Variants in IGSF3 observed in about 807,000 individuals in gnomAD.
IGSF3 encodes the protein glu-Trp-Ile EWI motif-containing protein 3.
IGSF3 carries 23 observed loss-of-function variants against 114.4 expected under a neutral mutation model. The ratio of observed to expected loss-of-function variants is 0.20; its 90% CI spans 0.14 to 0.28. The LOEUF is 0.28. IGSF3 is among the 10% of genes least tolerant of loss of function. The probability of loss-of-function intolerance (pLI) is 1.00; values close to 1 mark genes in which losing one functional copy is unlikely to be tolerated. For missense variants in IGSF3, 1,172 were observed against 1,591.5 expected, an observed-to-expected ratio of 0.74 and a Z score of 4.48; for synonymous variants, 571 against 645.2, an observed-to-expected ratio of 0.88 and a Z score of 1.74.
chr1:116,577,148 G>A lies in IGSF3; in HGVS notation c.*164C>T. On this transcript the variant is annotated 3_prime_UTR_variant, in exon 11 of 11. Transcript: ENST00000369486. This position sits in a 1 kb window ranked among gnomAD's most constrained non-coding sequence, Gnocchi z 5.7. Reference sequence around the variant, plus strand: ...TAACCAACCAAGACTGCCACCGAGAGGCAGTCTGTCTCTGTGACTGACTGG... The same window carrying A: ...TAACCAACCAAGACTGCCACCGAGAAGCAGTCTGTCTCTGTGACTGACTGG... The A allele has an allele frequency of 1.5e-6, 1 of 686,370 alleles. No homozygotes were observed. Among genetic ancestry groups the A allele is most frequent in the Non-Finnish European group, 2.4e-6 (1 of 415,320 alleles). The allele number at this position is 686,370 out of a possible 1,614,324, so 42.5% of individuals were successfully genotyped here.
In IGSF3 at chr1:116,600,034, C is replaced by T. The variant is rs1313400531; in HGVS notation, c.1936G>A (p.Val646Met). ...SDTEAGKYQCVAELWRKNYNN... is the reference protein window; with the variant it reads ...SDTEAGKYQCMAELWRKNYNN... ...TAGTTCTTCCGCCACAGCTCTGCCA[C>T]ACACTGGTACTTGCCTGCTTCCGTG... is the stretch of plus-strand genomic sequence containing the variant. Residue 646 changes from valine to methionine, a missense_variant, in exon 7 of 11, where the codon GTG (valine) becomes ATG (methionine). Around this residue, in one of 3 missense-constraint regions of IGSF3, gnomAD observed 736 missense variants for 1,042.0 expected, o/e 0.71. Coordinates refer to ENST00000369486, the MANE Select transcript of IGSF3 (RefSeq NM_001007237.3). This position sits in a 1 kb window ranked among gnomAD's most constrained non-coding sequence, Gnocchi z 5.5. 3.1e-6 allele frequency: 5 copies of T among 1,614,086 alleles called. No individual in the cohort carries two copies. The highest frequency in any genetic ancestry group is 8.5e-7 in the Non-Finnish European group (1 of 1,180,044).
In IGSF3 at chr1:116,593,119, T is replaced by C. The variant is rs899282570; in HGVS notation, c.2030-4015A>G. On this transcript the variant is annotated intron_variant, in intron 7 of 10. Transcript: ENST00000369486. This position sits in a 1 kb window ranked among gnomAD's most constrained non-coding sequence, Gnocchi z 4.5. ...GGGGCCTGCAGCTTGTACTTGATCC[T>C]GACCACCTGTGGCCCTCAGGGTGCA... Among the ~76,000 whole-genome samples the C allele has an allele frequency of 6.6e-6, 1 of 152,226 alleles. No homozygotes were observed. Among genetic ancestry groups the C allele is most frequent in the Non-Finnish European group, 1.5e-5 (1 of 68,038 alleles).
rs1647957558 is a variant in IGSF3, at chr1:116,638,962, G to A, written c.44-22505C>T. Among the ~76,000 whole-genome samples, 3 of 152,186 alleles carry A rather than the reference G, an allele frequency of 2.0e-5. No individual in the cohort carries two copies. On this transcript the variant is annotated intron_variant, in intron 2 of 10. Coordinates refer to ENST00000369486, the MANE Select transcript of IGSF3 (RefSeq NM_001007237.3). The surrounding 1 kb of genome is among the most constrained non-coding windows in gnomAD (Gnocchi z 4.1). ...AGCTGCGCCACTGCCCAGGAAAAAA[G>A]TCACAGGTAGGAAGACAAGCATAGA... is the stretch of plus-strand genomic sequence containing the variant.
At position 116,618,107 on chromosome 1, in the gene IGSF3, A is replaced by C. The variant is rs1312990822; in HGVS notation, c.44-1650T>G. ...TAATCTGCAAGATGACAGACCTCAAAAACGGCCCATACAATGAAATGCCCA... is the reference window on the plus strand; with the variant it reads ...TAATCTGCAAGATGACAGACCTCAACAACGGCCCATACAATGAAATGCCCA... On this transcript the variant is annotated intron_variant, in intron 2 of 10. Coordinates refer to ENST00000369486, the MANE Select transcript of IGSF3 (RefSeq NM_001007237.3). This position sits in a 1 kb window ranked among gnomAD's most constrained non-coding sequence, Gnocchi z 4.7. Among the ~76,000 whole-genome samples, 5 of 152,220 alleles carry C rather than the reference A, an allele frequency of 3.3e-5. No homozygotes were observed. The highest frequency in any genetic ancestry group is 3.3e-4 in the Admixed American group (5 of 15,278).
At chr1:116,619,867 A>G (rs1661356384) in intron 2 of IGSF3, among the ~76,000 whole-genome samples, 3 of 152,318 alleles carry the variant, frequency 2.0e-5, no homozygotes, top group South Asian at 4.1e-4. Flanking sequence ...AGAAAGAAAG[A>G]TCAAAATGTT....
chr1:116,588,006 T>C lies in IGSF3; in HGVS notation c.2440+688A>G, dbSNP rs574382482. Among the ~76,000 whole-genome samples, 10 of 152,338 alleles carry C rather than the reference T, an allele frequency of 6.6e-5. No individual in the cohort carries two copies. The highest frequency in any genetic ancestry group is 2.4e-4 in the African/African-American group (10 of 41,580). On this transcript the variant is annotated intron_variant, in intron 8 of 10. Transcript: ENST00000369486. This position sits in a 1 kb window ranked among gnomAD's most constrained non-coding sequence, Gnocchi z 4.9. ...GTATTTGAAAGGAAATGACGCAGAC[T>C]TCTCTTTGGTTGTTCCAGGGGCAGA...
rs578102441 is a variant in IGSF3 at position 116,641,928 on chromosome 1, A to G, written c.43+24356T>C. Among the ~76,000 whole-genome samples the G allele has an allele frequency of 3.3e-5, 5 of 151,482 alleles. No homozygotes were observed. In the South Asian group the frequency reaches 8.4e-4, roughly 25 times the overall value. ...CAGGGGTATAATAATAGCTCACTGC[A>G]GCTTCAAACTCCTGAGTTTTTTTGG... On this transcript the variant is annotated intron_variant, in intron 2 of 10. Coordinates refer to ENST00000369486, the MANE Select transcript of IGSF3 (RefSeq NM_001007237.3).
intron 2 of IGSF3, among the ~76,000 whole-genome samples, chr1:116,652,593 T>C (rs926231684): frequency 2.6e-5 from 4 of 152,148 alleles, no homozygotes; most frequent in African/African-American, 7.2e-5. Flanking sequence ...TAGGTAGAAA[T>C]AGAAAATAAA....
Position 116,606,252 on chromosome 1 carries a change from G to A in IGSF3, c.1222+1690C>T, listed in dbSNP as rs201114005. Among the ~76,000 whole-genome samples, 338 of 151,484 alleles carry A rather than the reference G, an allele frequency of 2.2e-3. 1 individual carries two copies. Among genetic ancestry groups the A allele is most frequent in the African/African-American group, 7.8e-3 (321 of 41,326 alleles). On this transcript the variant is annotated intron_variant, in intron 5 of 10. Transcript: ENST00000369486. ...GAGTTAGAAGCAAATATTTCCTAAT[G>A]CAATGCAAGCTCAACCACTAACTGA...
At position 116,613,806 on chromosome 1, in the gene IGSF3, C is replaced by T. The variant is rs146751671; in HGVS notation, c.791G>A (p.Arg264Gln). The T allele has an allele frequency of 6.8e-6, 11 of 1,613,944 alleles. No individual in the cohort carries two copies. Among genetic ancestry groups the T allele is most frequent in the Middle Eastern group, 1.7e-4 (1 of 6,054 alleles). Residue 264 changes from arginine to glutamine, a missense_variant, in exon 4 of 11, where the codon CGA becomes CAA. Arg to Gln is a conservative substitution (Grantham distance 43). Around this residue, in one of 3 missense-constraint regions of IGSF3, gnomAD observed 736 missense variants for 1,042.0 expected, o/e 0.71. Coordinates refer to ENST00000369486, the MANE Select transcript of IGSF3 (RefSeq NM_001007237.3). Reference sequence around the variant, plus strand: ...GACCACGGCTCCCTCGGAACGCTTTCGGGTCATAGCATACCACGACCCATC... The same window carrying T: ...GACCACGGCTCCCTCGGAACGCTTTTGGGTCATAGCATACCACGACCCATC... ...DPDGSWYAMT[R>Q]KRSEGAVVNV...
In IGSF3 at chr1:116,633,697, T is replaced by C. The variant is rs1412724906; in HGVS notation, c.44-17240A>G. On this transcript the variant is annotated intron_variant, in intron 2 of 10. Coordinates refer to ENST00000369486, the MANE Select transcript of IGSF3 (RefSeq NM_001007237.3). This position sits in a 1 kb window ranked among gnomAD's most constrained non-coding sequence, Gnocchi z 4.3. ...CTTCCTTCTTGTCTACTAAACTCTC[T>C]GTGCCTTAGAACCAAAAATAAAAAA... 6.6e-6 allele frequency among the ~76,000 whole-genome samples: 1 copy of C among 152,216 alleles called. No individual in the cohort carries two copies. The highest frequency in any genetic ancestry group is 6.5e-5 in the Admixed American group (1 of 15,286).
chr1:116,627,231 G>A lies in IGSF3; in HGVS notation c.44-10774C>T, dbSNP rs1469242391. Among the ~76,000 whole-genome samples the A allele has an allele frequency of 6.6e-6, 1 of 152,118 alleles. No individual in the cohort carries two copies. Among genetic ancestry groups the A allele is most frequent in the African/African-American group, 2.4e-5 (1 of 41,406 alleles). On this transcript the variant is annotated intron_variant, in intron 2 of 10. Coordinates refer to ENST00000369486, the MANE Select transcript of IGSF3 (RefSeq NM_001007237.3). The surrounding 1 kb of genome is among the most constrained non-coding windows in gnomAD (Gnocchi z 4.7). ...AGCTTAGAGTGAGTTCCAGTAAAAG[G>A]ACCATCACTCGAACCAGTAAGTGCC...
In IGSF3 at chr1:116,598,341, A is replaced by AC. The variant is rs1660425013; in HGVS notation, c.2029+1599_2029+1600insG. 6.6e-6 allele frequency among the ~76,000 whole-genome samples: 1 copy of AC among 152,194 alleles called. No individual in the cohort carries two copies. Among genetic ancestry groups the AC allele is most frequent in the Admixed American group, 6.5e-5 (1 of 15,282 alleles). On this transcript the variant is annotated intron_variant, in intron 7 of 10. Coordinates refer to ENST00000369486, the MANE Select transcript of IGSF3 (RefSeq NM_001007237.3). The surrounding 1 kb of genome is among the most constrained non-coding windows in gnomAD (Gnocchi z 4.3). Reference sequence around the variant, plus strand: ...GGGTACCTCGACATTTTCCACAACAAGGGTTCACATAAAATGGGGTCTCTG... The same window carrying AC: ...GGGTACCTCGACATTTTCCACAACAACGGGTTCACATAAAATGGGGTCTCTG...
In IGSF3 at chr1:116,627,526, A is replaced by G. The variant is rs111856403; in HGVS notation, c.44-11069T>C. Among the ~76,000 whole-genome samples, 1 of 152,336 alleles carries G rather than the reference A, an allele frequency of 6.6e-6. No individual in the cohort carries two copies. The highest frequency in any genetic ancestry group is 1.5e-5 in the Non-Finnish European group (1 of 68,020). On this transcript the variant is annotated intron_variant, in intron 2 of 10. Coordinates refer to ENST00000369486, the MANE Select transcript of IGSF3 (RefSeq NM_001007237.3). This position sits in a 1 kb window ranked among gnomAD's most constrained non-coding sequence, Gnocchi z 4.7. ...CTCCTGGAGCTGGCAGGGCCCCAGC[A>G]GTGCGCCTCTCAATGCTCTCACAGC... is the stretch of plus-strand genomic sequence containing the variant.
At position 116,594,459 on chromosome 1, in the gene IGSF3, A is replaced by T. The variant is rs756965935; in HGVS notation, c.2030-5355T>A. Among the ~76,000 whole-genome samples the T allele has an allele frequency of 5.9e-5, 9 of 152,294 alleles. No homozygotes were observed. The highest frequency in any genetic ancestry group is 3.4e-3 in the Middle Eastern group (1 of 294). On this transcript the variant is annotated intron_variant, in intron 7 of 10. Coordinates refer to ENST00000369486, the MANE Select transcript of IGSF3 (RefSeq NM_001007237.3). This position sits in a 1 kb window ranked among gnomAD's most constrained non-coding sequence, Gnocchi z 5.2. The stretch of plus-strand genomic sequence containing the variant: ...TAAAGTCCTAATTTCTGAGTTTAGG[A>T]TATTCTCATTTATTTAGCAAACTTT...
rs1055130116 is a variant in IGSF3, at chr1:116,582,497, G to C, written c.2848+2148C>G. Among the ~76,000 whole-genome samples the C allele has an allele frequency of 2.0e-5, 3 of 152,156 alleles. No homozygotes were observed. In the South Asian group the frequency reaches 6.2e-4, roughly 32 times the overall value. ...TTCATTCCATGTATTTCAGATTATT[G>C]TGAATGTCAACTCTCAGCAGTGGAA... On this transcript the variant is annotated intron_variant, in intron 9 of 10. Transcript: ENST00000369486. The surrounding 1 kb of genome is among the most constrained non-coding windows in gnomAD (Gnocchi z 4.7).
At position 116,603,608 on chromosome 1, in the gene IGSF3, C is replaced by G; in HGVS notation, c.1624+16G>C. 1 of 1,607,692 alleles carries G rather than the reference C, an allele frequency of 6.2e-7. No homozygotes were observed. The highest frequency in any genetic ancestry group is 8.5e-7 in the Non-Finnish European group (1 of 1,175,782). On this transcript the variant is annotated intron_variant, in intron 6 of 10. Transcript: ENST00000369486. The surrounding 1 kb of genome is among the most constrained non-coding windows in gnomAD (Gnocchi z 7.1). ...TCTCCATGCCAGACCCACTGCCAGT[C>G]CCACCGCTCACTCACCAAGAGCTGT... is the stretch of plus-strand genomic sequence containing the variant.
intron 1 of IGSF3, 47 bp from the exon 2 acceptor site, chr1:116,667,003 A>T: frequency 2.5e-6 from 1 of 398,242 alleles, no homozygotes; most frequent in South Asian, 1.4e-4. Context: ...AAGCTGCAAA[A>T]CCCACTGGGG....
intron 8 of IGSF3, among the ~76,000 whole-genome samples, chr1:116,586,442 C>T (rs2101342694): frequency 6.6e-6 from 1 of 151,818 alleles, no homozygotes; most frequent in South Asian, 2.1e-4. Flanking sequence ...TGTAGGCTTT[C>T]TCAGCAGGGA....
Sources: gnomAD v4.1 joint callset for allele counts (sites outside exome capture counted in the v4.1 genomes callset) on GRCh38, gnomAD v4.1.1 for gene constraint, gnomAD v4.1.1 regional missense constraint, Gnocchi (gnomAD v3.1) non-coding constraint, MANE v1.5 for transcripts, NCBI Gene and HGNC (gene_info 2026-07-23, HGNC 2026-07-21) for gene names.